PCDH7: variants seen among roughly 807,000 people sequenced by gnomAD.
PCDH7 encodes the protein protocadherin-7.
In PCDH7, 17 loss-of-function variants were observed where a neutral mutation model predicts 58.9. The observed-to-expected ratio is 0.29, with a 90% CI of 0.20 to 0.43. The LOEUF (loss-of-function observed/expected upper bound fraction) is 0.43. Among genes scored for constraint, PCDH7 ranks in the 20% least tolerant of loss-of-function variants. The pLI, the probability that PCDH7 is intolerant of heterozygous loss-of-function variation, is 1.00. For missense variants in PCDH7, 1,274 were observed against 1,441.0 expected, an observed-to-expected ratio of 0.88 and a Z score of 1.88; for synonymous variants, 664 against 616.4, an observed-to-expected ratio of 1.08 and a Z score of -1.14.
chr4:31,090,019 A>G (rs1304842459), intron 3 of PCDH7, among the ~76,000 whole-genome samples: 1 of 152,042 alleles, frequency 6.6e-6, no homozygotes, highest in African/African-American at 2.4e-5. Flanking sequence ...CCTGACTCAG[A>G]TGTCGTGTAC....
At chr4:30,817,473 G>A (rs1041516782) in intron 1 of PCDH7, among the ~76,000 whole-genome samples, 5 of 152,106 alleles carry the variant, frequency 3.3e-5, no homozygotes, top group Non-Finnish European at 7.4e-5. Context: ...TTGTCCTTTT[G>A]TCTGCATATA....
intron 3 of PCDH7, among the ~76,000 whole-genome samples, chr4:31,063,441 G>A (rs35109062): frequency 0.038 from 5,824 of 151,696 alleles, 367 homozygotes; most frequent in East Asian, 0.32. Flanking sequence ...TATCATACAT[G>A]CTTTTTTAAT....
intron 3 of PCDH7, among the ~76,000 whole-genome samples, chr4:31,073,461 A>G (rs2109256213): frequency 6.6e-6 from 1 of 152,310 alleles, no homozygotes; most frequent in Non-Finnish European, 1.5e-5. Context: ...ATCATTACTT[A>G]GTCTAATATA....
chr4:30,969,513 T>G lies in PCDH7; in HGVS notation c.*7+19298T>G, dbSNP rs1334952253. Among the ~76,000 whole-genome samples the G allele has an allele frequency of 1.3e-5, 2 of 152,166 alleles. 1 individual carries two copies. The highest frequency in any genetic ancestry group is 2.9e-5 in the Non-Finnish European group (2 of 68,018). ...AACTATTCAGAGAAGACTAGCAATA[T>G]GAAACAAGGATTAATGAAAGAGGTT... is the stretch of plus-strand genomic sequence containing the variant. On this transcript the variant is annotated intron_variant, in intron 3 of 3. Transcript: ENST00000509759.
At chr4:30,833,195 G>A (rs1038757043) in intron 1 of PCDH7, among the ~76,000 whole-genome samples, 17 of 152,118 alleles carry the variant, frequency 1.1e-4, no homozygotes, top group Non-Finnish European at 2.5e-4. Context: ...CAAATTGAGT[G>A]TCTTAAAACA....
At chr4:30,779,639 A>G (rs1722534404) in intron 1 of PCDH7, among the ~76,000 whole-genome samples, 1 of 152,240 alleles carries the variant, frequency 6.6e-6, no homozygotes, top group African/African-American at 2.4e-5. Flanking sequence ...TAAAGAGGAA[A>G]CTGTTTGTAA....
At chr4:31,143,383 G>C (rs1437673823), downstream of PCDH7, 1 of 152,448 alleles carries the variant, frequency 6.6e-6, no homozygotes, top group Admixed American at 6.5e-5. Flanking sequence ...CCCTCTAAAG[G>C]TACAGTCCTT....
chr4:30,992,751 C>T (rs1269874331), intron 3 of PCDH7, among the ~76,000 whole-genome samples: 2 of 150,156 alleles, frequency 1.3e-5, no homozygotes, highest in Non-Finnish European at 3.0e-5. Flanking sequence ...CTCCCAACTA[C>T]TGTTGCTAAT....
At chr4:30,834,183 T>G (rs1730170192) in intron 1 of PCDH7, among the ~76,000 whole-genome samples, 1 of 152,156 alleles carries the variant, frequency 6.6e-6, no homozygotes, top group South Asian at 2.1e-4. Flanking sequence ...GGCCCACTTC[T>G]AGGGCACTGG....
chr4:30,807,720 C>A (rs1165023024), intron 1 of PCDH7, among the ~76,000 whole-genome samples: 1 of 151,798 alleles, frequency 6.6e-6, no homozygotes, highest in Non-Finnish European at 1.5e-5. Flanking sequence ...AAAGGGCTAA[C>A]CCAGCACATA....
At chr4:30,897,708 CTAA>C (rs1739627565) in intron 1 of PCDH7, among the ~76,000 whole-genome samples, 1 of 152,116 alleles carries the variant, frequency 6.6e-6, no homozygotes, top group Non-Finnish European at 1.5e-5. Flanking sequence ...GTTAGCCGAA[CTAA>C]TTAAAGCACA....
rs768598020 is a variant in PCDH7 at position 30,722,211 on chromosome 4, G to A, written c.789G>A (p.Lys263=). The A allele has an allele frequency of 1.9e-6, 3 of 1,586,698 alleles. No individual in the cohort carries two copies. The highest frequency in any genetic ancestry group is 2.3e-5 in the East Asian group (1 of 43,238). Reference sequence around the variant, plus strand: ...AGAAGCAGCCGCAGCTGATCGTGAAGGGGGCGCTGGACCGCGAGCAGCGCG... The same window carrying A: ...AGAAGCAGCCGCAGCTGATCGTGAAAGGGGCGCTGGACCGCGAGCAGCGCG... Residue 263 remains lysine (K), a synonymous_variant, in exon 1 of 2, where the codon AAG becomes AAA. Coordinates refer to ENST00000361762, the Ensembl canonical transcript of PCDH7. This position sits in a 1 kb window ranked among gnomAD's most constrained non-coding sequence, Gnocchi z 7.6.
At chr4:30,743,320 T>C (rs1717325850) in intron 1 of PCDH7, among the ~76,000 whole-genome samples, 1 of 152,086 alleles carries the variant, frequency 6.6e-6, no homozygotes, top group Non-Finnish European at 1.5e-5. Context: ...AAAGCTGAAA[T>C]GTCTTATTGA....
At chr4:31,088,997 A>G (rs1055172187) in intron 3 of PCDH7, among the ~76,000 whole-genome samples, 4 of 152,006 alleles carry the variant, frequency 2.6e-5, no homozygotes, top group Non-Finnish European at 5.9e-5. Flanking sequence ...TTACTTCCTA[A>G]TATGGTGTGT....
intron 3 of PCDH7, among the ~76,000 whole-genome samples, chr4:31,018,664 T>G (rs1414333169): frequency 2.0e-5 from 3 of 152,200 alleles, no homozygotes; most frequent in Non-Finnish European, 4.4e-5. Flanking sequence ...TGCAACTACC[T>G]GGCACTCTAA....
intron 3 of PCDH7, among the ~76,000 whole-genome samples, chr4:31,104,073 C>T (rs568224615): frequency 6.5e-4 from 99 of 152,324 alleles, no homozygotes; most frequent in Non-Finnish European, 1.3e-3. Context: ...TAAATGCATT[C>T]CCAAGGGAGA....
At chr4:30,995,352 A>G (rs1751795033) in intron 3 of PCDH7, among the ~76,000 whole-genome samples, 3 of 152,002 alleles carry the variant, frequency 2.0e-5, no homozygotes. Flanking sequence ...CTCTACTAAA[A>G]ATACAAAAAA....
At chr4:30,872,868 G>T (rs1735803990) in intron 1 of PCDH7, among the ~76,000 whole-genome samples, 1 of 151,992 alleles carries the variant, frequency 6.6e-6, no homozygotes, top group African/African-American at 2.4e-5. Context: ...CTACCTTTTA[G>T]CTTGCTTATG....
intron 1 of PCDH7, among the ~76,000 whole-genome samples, chr4:30,853,707 A>G (rs1224863131): frequency 1.3e-5 from 2 of 152,144 alleles, no homozygotes; most frequent in African/African-American, 4.8e-5. Flanking sequence ...TCAGGACAGA[A>G]GTCAAGTGTA....
Sources: allele counts gnomAD v4.1 joint callset (sites outside exome capture counted in the v4.1 genomes callset), GRCh38; gene constraint gnomAD v4.1.1; non-coding constraint Gnocchi (gnomAD v3.1); transcripts MANE v1.5; gene names NCBI Gene and HGNC (gene_info 2026-07-23, HGNC 2026-07-21).